Variants in UGT1A8 observed in about 807,000 individuals in gnomAD.
The protein encoded by UGT1A8 is UDP-glucuronosyltransferase 1A8.
A neutral mutation model predicts 45.3 loss-of-function variants in UGT1A8; 39 were observed. That is an observed-to-expected ratio of 0.86 (90% CI 0.67 to 1.12). The LOEUF is 1.12. UGT1A8 is among the 50% of genes most tolerant of loss of function. The probability of loss-of-function intolerance (pLI) is 0.00; values close to 1 mark genes in which losing one functional copy is unlikely to be tolerated. For missense variants in UGT1A8, 719 were observed against 664.9 expected (o/e 1.08, Z -0.90); for synonymous variants, 275 against 249.2 (o/e 1.10, Z -0.97).
At chr2:233,748,253 G>T (rs1389891866) in intron 1 of UGT1A8, among the ~76,000 whole-genome samples, 3 of 151,736 alleles carry the variant, frequency 2.0e-5, no homozygotes, top group Non-Finnish European at 2.9e-5. Flanking sequence ...CGTATTTCAG[G>T]TTTTAAATGG....
In UGT1A8 at chr2:233,713,451, T is replaced by G. The variant is rs779404172; in HGVS notation, c.856-53583T>G. 4.3e-5 allele frequency: 69 copies of G among 1,614,108 alleles called. 1 individual carries two copies. The highest frequency in any genetic ancestry group is 3.4e-4 in the South Asian group (31 of 91,046). On this transcript the variant is annotated intron_variant, in intron 1 of 4. Coordinates refer to ENST00000373450, the MANE Select transcript of UGT1A8 (RefSeq NM_019076.5). ...CTTTGATGTGGTTCTAACAGACCCC[T>G]TTCACCTCTGCGCGGCGGTGCTGGC...
chr2:233,663,717 G>A (rs1375374475), intron 1 of UGT1A8, among the ~76,000 whole-genome samples: 4 of 152,148 alleles, frequency 2.6e-5, no homozygotes, highest in African/African-American at 9.7e-5. Flanking sequence ...TATAAAATAA[G>A]TTTCTCCCAA....
In UGT1A8 at chr2:233,769,639, C is replaced by T; in HGVS notation, c.1295+1200C>T. 2.5e-6 allele frequency: 4 copies of T among 1,609,972 alleles called. No homozygotes were observed. The highest frequency in any genetic ancestry group is 1.3e-5 in the African/African-American group (1 of 75,022). The stretch of plus-strand genomic sequence containing the variant: ...TTGAGCAAGGGACAACAGGGGAGGA[C>T]TGATGACTGACTTCCCACCTTTGAG... On this transcript the variant is annotated intron_variant, in intron 4 of 4. Transcript: ENST00000373450. This position sits in a 1 kb window ranked among gnomAD's most constrained non-coding sequence, Gnocchi z 4.4.
intron 1 of UGT1A8, among the ~76,000 whole-genome samples, chr2:233,629,940 C>T (rs990057007): frequency 6.6e-6 from 1 of 152,020 alleles, no homozygotes; most frequent in Non-Finnish European, 1.5e-5. Flanking sequence ...ATTCTCTTAA[C>T]ATTTTAACAT....
intron 1 of UGT1A8, among the ~76,000 whole-genome samples, chr2:233,665,195 A>C (rs533973469): frequency 1.4e-4 from 22 of 152,312 alleles, no homozygotes; most frequent in African/African-American, 5.3e-4. Context: ...GCCAATACAG[A>C]CTGATTTGAC....
At chr2:233,720,267 C>T (rs1380272478) in intron 1 of UGT1A8, among the ~76,000 whole-genome samples, 2 of 152,012 alleles carry the variant, frequency 1.3e-5, no homozygotes, top group African/African-American at 4.8e-5. Context: ...AGGGATCTGT[C>T]CTGAGAAAAG....
intron 1 of UGT1A8, among the ~76,000 whole-genome samples, chr2:233,661,365 T>G (rs2073959980): frequency 6.6e-6 from 1 of 152,084 alleles, no homozygotes; most frequent in Admixed American, 6.6e-5. Context: ...CTTAAACACT[T>G]AGGATATATG....
At chr2:233,706,277 G>A (rs1335130359) in intron 1 of UGT1A8, among the ~76,000 whole-genome samples, 2 of 152,100 alleles carry the variant, frequency 1.3e-5, no homozygotes, top group East Asian at 3.9e-4. Flanking sequence ...CAACCTCAGG[G>A]GTGGGGCCCA....
At chr2:233,686,050 T>C (rs921397922) in intron 1 of UGT1A8, among the ~76,000 whole-genome samples, 1 of 152,182 alleles carries the variant, frequency 6.6e-6, no homozygotes, top group Admixed American at 6.5e-5. Flanking sequence ...TGGCAAAGAA[T>C]AGTGTCTTCA....
intron 1 of UGT1A8, among the ~76,000 whole-genome samples, chr2:233,644,771 CT>C (rs967230937): frequency 5.4e-4 from 81 of 149,748 alleles, no homozygotes; most frequent in African/African-American, 1.1e-3. Context: ...AGATGCAGAA[CT>C]TTTTTTTTTC....
rs139927449 is a variant in UGT1A8, at chr2:233,718,873, T to C, written c.856-48161T>C. 3.7e-6 allele frequency: 6 copies of C among 1,613,914 alleles called. No homozygotes were observed. In the South Asian group the frequency reaches 6.6e-5, roughly 18 times the overall value. On this transcript the variant is annotated intron_variant, in intron 1 of 4. Transcript: ENST00000373450. Reference sequence around the variant, plus strand: ...CCGCGGCTGGCCACAGGACTGCTGCTCCTCCTCAGTGTCCAGCCCTGGGCT... The same window carrying C: ...CCGCGGCTGGCCACAGGACTGCTGCCCCTCCTCAGTGTCCAGCCCTGGGCT...
chr2:233,720,006 T>C (rs1403033451), intron 1 of UGT1A8, among the ~76,000 whole-genome samples: 1 of 152,190 alleles, frequency 6.6e-6, no homozygotes, highest in Non-Finnish European at 1.5e-5. Context: ...CATTCAGAAC[T>C]GATCCATCCT....
chr2:233,763,551 G>A (rs946650773), intron 1 of UGT1A8, among the ~76,000 whole-genome samples: 3 of 152,122 alleles, frequency 2.0e-5, no homozygotes, highest in African/African-American at 7.2e-5. Context: ...CTACTGGTTG[G>A]TCAAGTTACT....
At chr2:233,640,403 A>G (rs900568341) in intron 1 of UGT1A8, among the ~76,000 whole-genome samples, 1 of 152,124 alleles carries the variant, frequency 6.6e-6, no homozygotes, top group Non-Finnish European at 1.5e-5. Context: ...AAATATAAAA[A>G]ATAAGTAAAA....
intron 1 of UGT1A8, among the ~76,000 whole-genome samples, chr2:233,620,940 T>C (rs1013966723): frequency 6.6e-6 from 1 of 152,172 alleles, no homozygotes; most frequent in African/African-American, 2.4e-5. Context: ...AAGCATTACT[T>C]AGTGATAGAG....
intron 1 of UGT1A8, among the ~76,000 whole-genome samples, chr2:233,660,374 G>A (rs570084965): frequency 6.6e-6 from 1 of 152,118 alleles, no homozygotes; most frequent in Non-Finnish European, 1.5e-5. Context: ...GACCACTTTG[G>A]CTCCTTTTGT....
Position 233,768,265 on chromosome 2 carries a change from G to T in UGT1A8, c.1121G>T (p.Gly374Val), listed in dbSNP as rs1283652721. Residue 374 changes from glycine to valine, a missense_variant, in exon 4 of 5, where the codon GGT becomes GTT. By Grantham distance (109) the Gly-to-Val change is moderately radical. Transcript: ENST00000373450. The part of the protein sequence containing the change: ...RAFITHAGSH[G>V]VYESICNGVP... ...TTTATCACCCATGCTGGTTCCCATGGTGTTTATGAAAGCATATGCAATGGC... is the reference window on the plus strand; with the variant it reads ...TTTATCACCCATGCTGGTTCCCATGTTGTTTATGAAAGCATATGCAATGGC... 5.0e-6 allele frequency: 8 copies of T among 1,614,030 alleles called. No individual in the cohort carries two copies. The highest frequency in any genetic ancestry group is 6.8e-6 in the Non-Finnish European group (8 of 1,180,030).
chr2:233,693,909 C>A, intron 1 of UGT1A8: 1 of 1,612,700 alleles, frequency 6.2e-7, no homozygotes, highest in Non-Finnish European at 8.5e-7. Context: ...TTCTTCCAGG[C>A]TCTGTCCTCC....
chr2:233,761,251 A>C, intron 1 of UGT1A8: 1 of 1,608,190 alleles, frequency 6.2e-7, no homozygotes. Flanking sequence ...AAGCATTCTG[A>C]GATAATTTAA....
Sources: gnomAD v4.1 joint callset for allele counts (sites outside exome capture counted in the v4.1 genomes callset) on GRCh38, gnomAD v4.1.1 for gene constraint, Gnocchi (gnomAD v3.1) non-coding constraint, MANE v1.5 for transcripts, NCBI Gene and HGNC (gene_info 2026-07-23, HGNC 2026-07-21) for gene names.